The following CDH18 variants were observed in gnomAD, a reference collection of about 807,000 sequenced individuals.
CDH18 encodes cadherin-18.
In CDH18, 31 loss-of-function variants were observed where a neutral mutation model predicts 67.9. The observed-to-expected ratio is 0.46, with a 90% confidence interval of 0.34 to 0.62. The LOEUF is 0.62. Among genes scored for constraint, CDH18 ranks in the 20% least tolerant of loss-of-function variants. The pLI, the probability that CDH18 is intolerant of heterozygous loss-of-function variation, is 0.01. For synonymous variants in CDH18, 362 were observed against 347.2 expected (o/e 1.04, Z -0.48); for missense variants, 890 against 975.5 (o/e 0.91, Z 1.17).
rs562320751 is a variant in CDH18 at position 20,139,952 on chromosome 5, C to G, written c.-518+115492G>C. ...AGAACTAGAAATACCGTTTGACCCA[C>G]CCATCCCATTACTGGGTATATACCC... On this transcript the variant is annotated intron_variant, in intron 2 of 14. Transcript: ENST00000507958. 1.6e-4 allele frequency among the ~76,000 whole-genome samples: 24 copies of G among 152,154 alleles called. 1 individual carries two copies. The highest frequency in any genetic ancestry group is 1.2e-3 in the Admixed American group (19 of 15,268).
chr5:20,375,869 G>A (rs951386532), intron 1 of CDH18, among the ~76,000 whole-genome samples: 1 of 151,852 alleles, frequency 6.6e-6, no homozygotes, highest in African/African-American at 2.4e-5. Flanking sequence ...AATTACCTGT[G>A]CTGGCTTTAG....
chr5:20,370,679 A>T (rs1356108778), intron 1 of CDH18, among the ~76,000 whole-genome samples: 4 of 152,202 alleles, frequency 2.6e-5, no homozygotes, highest in African/African-American at 9.7e-5. Context: ...TTTTCTAAAG[A>T]TCATTCTGGC....
At chr5:20,377,800 C>G (rs1386487392) in intron 1 of CDH18, among the ~76,000 whole-genome samples, 1 of 152,046 alleles carries the variant, frequency 6.6e-6, no homozygotes, top group South Asian at 2.1e-4. Flanking sequence ...CTTTACAAAG[C>G]TATTCTGATT....
Position 19,822,090 on chromosome 5 carries a change from G to A in CDH18, c.228+16669C>T, listed in dbSNP as rs147587968. ...ATAAACAGCTAACAACATCACAACC[G>A]GATCAAAACTTCACCTTGAATGTAA... On this transcript the variant is annotated intron_variant, in intron 3 of 12. Transcript: ENST00000382275. Among the ~76,000 whole-genome samples the A allele has an allele frequency of 5.4e-4, 82 of 152,128 alleles. No homozygotes were observed. The East Asian group carries it at 5.4e-3, about 10-fold the overall frequency.
chr5:20,415,783 T>A (rs1472993657), intron 1 of CDH18, among the ~76,000 whole-genome samples: 1 of 151,070 alleles, frequency 6.6e-6, no homozygotes, highest in Non-Finnish European at 1.5e-5. Context: ...CTCAAAAAAA[T>A]AAAAATAAAT....
At chr5:20,462,773 G>C (rs1479807616) in intron 1 of CDH18, among the ~76,000 whole-genome samples, 1 of 152,118 alleles carries the variant, frequency 6.6e-6, no homozygotes, top group East Asian at 1.9e-4. Flanking sequence ...GCACAGATAA[G>C]AAATCTGAGA....
chr5:19,524,543 G>T (rs896539209), intron 9 of CDH18, among the ~76,000 whole-genome samples: 37 of 151,538 alleles, frequency 2.4e-4, no homozygotes, highest in African/African-American at 8.9e-4. Context: ...CTCAGCAAAG[G>T]GTTATATTCT....
At chr5:19,854,779 AT>A (rs35144110) in intron 2 of CDH18, among the ~76,000 whole-genome samples, 8 of 151,676 alleles carry the variant, frequency 5.3e-5, no homozygotes, top group Admixed American at 2.6e-4. Context: ...TAACTTTTTA[AT>A]TTTTTTAGCA....
chr5:20,059,429 A>C (rs761215314), intron 2 of CDH18, among the ~76,000 whole-genome samples: 1 of 152,024 alleles, frequency 6.6e-6, no homozygotes, highest in African/African-American at 2.4e-5. Context: ...TAGGGTATCA[A>C]TTTTAGATCT....
intron 2 of CDH18, among the ~76,000 whole-genome samples, chr5:19,904,868 C>T (rs1368885996): frequency 6.6e-6 from 1 of 152,124 alleles, no homozygotes; most frequent in East Asian, 1.9e-4. Flanking sequence ...TCAAAAATAT[C>T]ATGACAGTTG....
intron 2 of CDH18, among the ~76,000 whole-genome samples, chr5:19,842,995 A>C (rs1782515377): frequency 6.6e-6 from 1 of 152,308 alleles, no homozygotes; most frequent in African/African-American, 2.4e-5. Context: ...ACTTATGTTT[A>C]AAAGGGAAGC....
At chr5:19,909,392 C>T (rs1233391705) in intron 2 of CDH18, among the ~76,000 whole-genome samples, 2 of 148,276 alleles carry the variant, frequency 1.3e-5, no homozygotes, top group South Asian at 4.3e-4. Context: ...CTCTGCCTCC[C>T]GGGTTCAAGT....
intron 1 of CDH18, among the ~76,000 whole-genome samples, chr5:20,405,886 C>A (rs1052942514): frequency 6.6e-6 from 1 of 152,222 alleles, no homozygotes; most frequent in East Asian, 1.9e-4. Flanking sequence ...TAATGAGATA[C>A]CATCTCACAC....
chr5:20,191,810 T>C (rs1318420678), intron 2 of CDH18, among the ~76,000 whole-genome samples: 1 of 152,138 alleles, frequency 6.6e-6, no homozygotes, highest in Admixed American at 6.6e-5. Flanking sequence ...ATAGTGGCAC[T>C]ATAAACATAT....
In CDH18 at chr5:20,555,408, C is replaced by CTTTTTTTTTTTTTTTT. The variant is rs774396694; in HGVS notation, c.-580+20038_-580+20053dup. Among the ~76,000 whole-genome samples the CTTTTTTTTTTTTTTTT allele has an allele frequency of 1.1e-3, 116 of 103,638 alleles. 8 individuals carry two copies. The highest frequency in any genetic ancestry group is 1.8e-3 in the African/African-American group (45 of 24,368). The allele number at this position is 103,638 out of a possible 152,430, so 68.0% of individuals were successfully genotyped here. On this transcript the variant is annotated intron_variant, in intron 1 of 14. Transcript: ENST00000507958. ...GCCAGAACCACCAAGACAAGCTTTT[C>CTTTTTTTTTTTTTTTT]TTTTTTTTTTTTTTTTTTTTTTTTT...
intron 1 of CDH18, among the ~76,000 whole-genome samples, chr5:20,283,371 G>C (rs1335865768): frequency 6.6e-6 from 1 of 152,082 alleles, no homozygotes; most frequent in Non-Finnish European, 1.5e-5. Flanking sequence ...CTAATTACCA[G>C]AGTATATAAG....
chr5:19,946,045 A>G (rs1337987844), intron 2 of CDH18, among the ~76,000 whole-genome samples: 1 of 152,166 alleles, frequency 6.6e-6, no homozygotes, highest in African/African-American at 2.4e-5. Flanking sequence ...AGATACCCAC[A>G]CCAAGACAAA....
chr5:20,519,043 C>T (rs1357675098), intron 1 of CDH18, among the ~76,000 whole-genome samples: 3 of 151,956 alleles, frequency 2.0e-5, no homozygotes, highest in Admixed American at 2.0e-4. Flanking sequence ...TGCTCAATAC[C>T]CCCAGCCTGG....
chr5:19,483,777 T>C (rs1739902478), intron 11 of CDH18, among the ~76,000 whole-genome samples: 1 of 151,872 alleles, frequency 6.6e-6, no homozygotes, highest in Non-Finnish European at 1.5e-5. Context: ...TGAAAGAAAA[T>C]AGTGGGAAGA....
Sources: allele counts gnomAD v4.1 joint callset (sites outside exome capture counted in the v4.1 genomes callset), GRCh38; gene constraint gnomAD v4.1.1; transcripts MANE v1.5; gene names NCBI Gene and HGNC (gene_info 2026-07-23, HGNC 2026-07-21).